The following UNC13C variants were observed in gnomAD, a reference collection of about 807,000 sequenced individuals.
The protein encoded by UNC13C is unc-13 homolog C.
A neutral mutation model predicts 245.4 loss-of-function variants in UNC13C; 174 were observed. That is an observed-to-expected ratio of 0.71 (90% CI 0.63 to 0.80). The LOEUF is 0.80. UNC13C is among the 30% of genes least tolerant of loss of function. UNC13C has a pLI of 0.00. For synonymous variants in UNC13C, 992 were observed against 895.1 expected, an observed-to-expected ratio of 1.11 and a Z score of -1.93; for missense variants, 2,829 against 2,602.9, an observed-to-expected ratio of 1.09 and a Z score of -1.89.
chr15:54,051,660 A>AT (rs1008295752), intron 2 of UNC13C, among the ~76,000 whole-genome samples: 15 of 150,162 alleles, frequency 1.0e-4, no homozygotes, highest in South Asian at 2.1e-4. Context: ...TTATTTATTT[A>AT]TTTATTTTAA....
chr15:54,508,246 C>T (rs928507266), intron 23 of UNC13C, among the ~76,000 whole-genome samples: 8 of 151,614 alleles, frequency 5.3e-5, no homozygotes, highest in African/African-American at 1.9e-4. Flanking sequence ...AAAATCAAAA[C>T]AGTATCTGAT....
chr15:53,866,887 T>C, the UNC13C span, among the ~76,000 whole-genome samples: 1 of 152,176 alleles, frequency 6.6e-6, no homozygotes, highest in African/African-American at 2.4e-5. Flanking sequence ...TAACATAATC[T>C]AGCAGAACCT....
intron 4 of UNC13C, among the ~76,000 whole-genome samples, chr15:54,220,160 G>A (rs890048093): frequency 3.3e-5 from 5 of 151,002 alleles, no homozygotes; most frequent in East Asian, 1.9e-4. Context: ...TGTTTACTGC[G>A]GCACTATTCA....
intron 27 of UNC13C, among the ~76,000 whole-genome samples, chr15:54,547,652 G>A (rs148973460): frequency 4.1e-4 from 63 of 152,224 alleles, no homozygotes; most frequent in African/African-American, 1.5e-3. Context: ...AAAGTGTTCC[G>A]AGATGCAAAT....
At chr15:54,554,987 T>C (rs531224155) in intron 28 of UNC13C, among the ~76,000 whole-genome samples, 47 of 152,186 alleles carry the variant, frequency 3.1e-4, no homozygotes, top group African/African-American at 1.1e-3. Context: ...TGAGGGCATC[T>C]AAGAAGAAGA....
the UNC13C span, among the ~76,000 whole-genome samples, chr15:53,899,946 A>G: frequency 6.6e-6 from 1 of 152,172 alleles, no homozygotes; most frequent in Non-Finnish European, 1.5e-5. Context: ...TCCCCAACAG[A>G]TAACTACCCC....
intron 19 of UNC13C, among the ~76,000 whole-genome samples, chr15:54,455,169 C>CTA (rs1891410101): frequency 4.6e-5 from 1 of 21,646 alleles, no homozygotes. Flanking sequence ...ATATTCCTCT[C>CTA]TCTCTCTCTC....
chr15:54,203,509 C>G (rs1245206536), intron 4 of UNC13C, among the ~76,000 whole-genome samples: 1 of 142,548 alleles, frequency 7.0e-6, no homozygotes, highest in Non-Finnish European at 1.5e-5. Context: ...TATATACACA[C>G]ACACACACAC....
At chr15:54,442,228 T>A (rs1398903778) in intron 19 of UNC13C, among the ~76,000 whole-genome samples, 1 of 151,438 alleles carries the variant, frequency 6.6e-6, no homozygotes, top group African/African-American at 2.4e-5. Context: ...AAATTAGGCA[T>A]CTTTCACCAC....
intron 19 of UNC13C, among the ~76,000 whole-genome samples, chr15:54,491,861 G>A (rs1474711141): frequency 6.6e-6 from 1 of 151,908 alleles, no homozygotes; most frequent in Non-Finnish European, 1.5e-5. Context: ...GTGGTAGCGG[G>A]CGCCTGTAAG....
At chr15:54,557,339 C>T (rs748314107) in intron 29 of UNC13C, among the ~76,000 whole-genome samples, 1 of 151,904 alleles carries the variant, frequency 6.6e-6, no homozygotes, top group African/African-American at 2.4e-5. Flanking sequence ...CTATTAGACT[C>T]TCTTGACCCT....
chr15:54,370,166 G>A (rs1385042008), intron 17 of UNC13C, among the ~76,000 whole-genome samples: 3 of 152,048 alleles, frequency 2.0e-5, no homozygotes, highest in Admixed American at 6.6e-5. Context: ...CACAGATAGG[G>A]GGAAAAAGAC....
intron 19 of UNC13C, among the ~76,000 whole-genome samples, chr15:54,481,470 G>C (rs1008443193): frequency 3.0e-4 from 46 of 152,212 alleles, no homozygotes; most frequent in Middle Eastern, 3.4e-3. Context: ...TGATCTTCAG[G>C]GTCTTGGAAG....
At chr15:54,329,772 C>T (rs576235864) in intron 14 of UNC13C, among the ~76,000 whole-genome samples, 10 of 152,104 alleles carry the variant, frequency 6.6e-5, no homozygotes, top group Non-Finnish European at 1.2e-4. Flanking sequence ...GTTTTCTTCA[C>T]AGTTTTCTAT....
intron 2 of UNC13C, among the ~76,000 whole-genome samples, chr15:54,031,286 C>G (rs778667459): frequency 2.6e-5 from 4 of 152,188 alleles, no homozygotes; most frequent in Non-Finnish European, 5.9e-5. Context: ...TGCAGTGGCA[C>G]GATCTCAGCT....
At chr15:54,185,632 C>G in intron 4 of UNC13C, among the ~76,000 whole-genome samples, 1 of 127,192 alleles carries the variant, frequency 7.9e-6, no homozygotes, top group East Asian at 2.3e-4. Context: ...TGATCTATAT[C>G]TCTGTTTTTG....
intron 4 of UNC13C, among the ~76,000 whole-genome samples, chr15:54,177,934 C>A (rs1166718013): frequency 1.3e-5 from 2 of 151,850 alleles, no homozygotes; most frequent in Non-Finnish European, 2.9e-5. Flanking sequence ...TTTCTATTGC[C>A]TTTTCCTTTA....
intron 2 of UNC13C, among the ~76,000 whole-genome samples, chr15:54,099,300 G>T (rs963184502): frequency 6.6e-6 from 1 of 152,116 alleles, no homozygotes; most frequent in African/African-American, 2.4e-5. Flanking sequence ...CATGGAAAAA[G>T]CCAGGTCAGG....
chr15:54,610,699 T>C (rs1900041050), intron 30 of UNC13C, among the ~76,000 whole-genome samples: 1 of 152,220 alleles, frequency 6.6e-6, no homozygotes, highest in Admixed American at 6.5e-5. Context: ...AGGTAAGAAC[T>C]ATTACTCCTA....
Sources: gnomAD v4.1 joint callset for allele counts (sites outside exome capture counted in the v4.1 genomes callset) on GRCh38, gnomAD v4.1.1 for gene constraint, MANE v1.5 for transcripts, NCBI Gene and HGNC (gene_info 2026-07-23, HGNC 2026-07-21) for gene names.